The following AGK variants were observed in gnomAD, a reference collection of about 807,000 sequenced individuals.
AGK encodes the protein acylglycerol kinase, mitochondrial.
A neutral mutation model predicts 66.4 loss-of-function variants in AGK; 52 were observed. The observed-to-expected ratio is 0.78, with a 90% CI of 0.63 to 0.99. The LOEUF (loss-of-function observed/expected upper bound fraction) is 0.99, where lower values mean the gene tolerates loss of function less well. Ranked by LOEUF, AGK falls within the 50% of genes least tolerant of loss-of-function variation. The pLI is 0.00. For synonymous variants in AGK, 182 were observed against 181.1 expected, an observed-to-expected ratio of 1.00 and a Z score of -0.04; for missense variants, 451 against 506.6, an observed-to-expected ratio of 0.89 and a Z score of 1.05.
chr7:141,641,188 G>GA, intron 11 of AGK, 60 bp from the exon 12 acceptor site: 1 of 1,519,482 alleles, frequency 6.6e-7, no homozygotes, highest in Non-Finnish European at 8.9e-7. Flanking sequence ...TTTGCAGAGA[G>GA]AAACTCCCAG....
Position 141,565,421 on chromosome 7 carries a change from C to T in AGK, c.101+9854C>T, listed in dbSNP as rs145958917. On this transcript the variant is annotated intron_variant, in intron 2 of 15. Transcript: ENST00000649286. The stretch of plus-strand genomic sequence containing the variant: ...ATCCCAGCACTTTGGGAGGCCGAGG[C>T]GGGCAGATCAACTAAGGTCAGGAGT... Among the ~76,000 whole-genome samples the T allele has an allele frequency of 1.4e-4, 21 of 152,190 alleles. No individual in the cohort carries two copies. In the East Asian group the frequency reaches 2.7e-3, roughly 20 times the overall value.
intron 15 of AGK, 111 bp from the exon 16 acceptor site, chr7:141,652,674 CAA>C: frequency 8.6e-7 from 1 of 1,169,312 alleles, no homozygotes; most frequent in East Asian, 2.4e-5. Context: ...GATAGCTCCT[CAA>C]GAGAGGATGT....
intron 13 of AGK, among the ~76,000 whole-genome samples, chr7:141,643,320 G>GTGTA (rs2117016992): frequency 6.6e-6 from 1 of 152,276 alleles, no homozygotes; most frequent in South Asian, 2.1e-4. Context: ...TGCGCCTCCT[G>GTGTA]TGTATGTATC....
chr7:141,582,012 G>A (rs561833756), intron 2 of AGK, among the ~76,000 whole-genome samples: 11 of 152,092 alleles, frequency 7.2e-5, no homozygotes, highest in African/African-American at 2.4e-4. Context: ...CGGACTTACC[G>A]TCCACTCTGA....
intron 5 of AGK, among the ~76,000 whole-genome samples, chr7:141,607,764 T>C (rs1796496457): frequency 6.6e-6 from 1 of 152,132 alleles, no homozygotes; most frequent in Non-Finnish European, 1.5e-5. Context: ...TTTAGGCCTA[T>C]GATCCATTTT....
intron 9 of AGK, among the ~76,000 whole-genome samples, chr7:141,631,590 C>T (rs1797056901): frequency 6.6e-6 from 1 of 152,196 alleles, no homozygotes; most frequent in Non-Finnish European, 1.5e-5. Flanking sequence ...TCAAGCATTT[C>T]TTCTTGCCTC....
rs149126335 is a variant in AGK, at chr7:141,628,254, A to T, written c.589-5647A>T. 4.3e-3 allele frequency among the ~76,000 whole-genome samples: 654 copies of T among 152,268 alleles called. 1 individual carries two copies. Among genetic ancestry groups the T allele is most frequent in the Non-Finnish European group, 8.0e-3 (545 of 68,022 alleles). On this transcript the variant is annotated intron_variant, in intron 9 of 15. Coordinates refer to ENST00000649286, the MANE Select transcript of AGK (RefSeq NM_018238.4). ...TATGCTGATTTTGTGAATTGATGAA[A>T]CCAGTATCAAATTTACCACAGGCTC...
At chr7:141,603,707 A>T (rs1156961174) in intron 5 of AGK, among the ~76,000 whole-genome samples, 3 of 152,138 alleles carry the variant, frequency 2.0e-5, no homozygotes, top group Non-Finnish European at 2.9e-5. Flanking sequence ...GCCTGGGCTC[A>T]TAGTGGCATG....
chr7:141,614,342 C>T (rs778551136), intron 7 of AGK, among the ~76,000 whole-genome samples, 164 bp downstream of exon 7: 37 of 151,894 alleles, frequency 2.4e-4, no homozygotes, highest in Middle Eastern at 3.4e-3. Flanking sequence ...TCATAGAACA[C>T]GTATATTAAC....
chr7:141,614,833 G>A (rs1796672983), intron 7 of AGK, among the ~76,000 whole-genome samples: 1 of 152,114 alleles, frequency 6.6e-6, no homozygotes, highest in African/African-American at 2.4e-5. Context: ...GTTAAATATA[G>A]GTTGTGGGCA....
At chr7:141,649,098 A>G (rs1797487638) in intron 13 of AGK, 165 bp from the exon 14 acceptor site, 1 of 390,462 alleles carries the variant, frequency 2.6e-6, no homozygotes, top group African/African-American at 2.1e-5. Context: ...CTTTGTGAAA[A>G]AAAAAAAAAA....
At chr7:141,575,114 G>T (rs1795705633) in intron 2 of AGK, among the ~76,000 whole-genome samples, 1 of 152,196 alleles carries the variant, frequency 6.6e-6, no homozygotes. Context: ...ATAAATTGAG[G>T]TGACGTAAGT....
intron 5 of AGK, among the ~76,000 whole-genome samples, chr7:141,604,357 TG>T (rs1796404118): frequency 7.3e-6 from 1 of 136,298 alleles, no homozygotes; most frequent in Non-Finnish European, 1.5e-5. Flanking sequence ...TGCATATGTA[TG>T]AATGTGTGTG....
intron 2 of AGK, among the ~76,000 whole-genome samples, chr7:141,585,460 C>G (rs1054358386): frequency 7.9e-5 from 12 of 152,182 alleles, no homozygotes; most frequent in Admixed American, 7.9e-4. Flanking sequence ...TTCTAGGAAG[C>G]CTGGATAAGT....
intron 2 of AGK, among the ~76,000 whole-genome samples, chr7:141,582,940 C>G (rs779201011): frequency 1.6e-4 from 25 of 151,518 alleles, no homozygotes; most frequent in Non-Finnish European, 3.2e-4. Flanking sequence ...AAAGACTCAG[C>G]AATACTTGGG....
At chr7:141,583,740 C>T (rs1795935708) in intron 2 of AGK, among the ~76,000 whole-genome samples, 1 of 151,826 alleles carries the variant, frequency 6.6e-6, no homozygotes. Flanking sequence ...GTTTTGGGTT[C>T]ACGGATAAAA....
At chr7:141,627,141 A>G (rs186941844) in intron 9 of AGK, among the ~76,000 whole-genome samples, 3 of 152,310 alleles carry the variant, frequency 2.0e-5, no homozygotes, top group Admixed American at 1.3e-4. Flanking sequence ...CACTTTTCCA[A>G]AATAACTTTG....
At chr7:141,603,979 C>A (rs1796394761) in intron 5 of AGK, among the ~76,000 whole-genome samples, 2 of 152,084 alleles carry the variant, frequency 1.3e-5, no homozygotes, top group Admixed American at 1.3e-4. Context: ...CACTGTCTAA[C>A]CCCATCTTAT....
intron 2 of AGK, among the ~76,000 whole-genome samples, chr7:141,590,452 C>T (rs545152680): frequency 2.0e-5 from 3 of 152,198 alleles, no homozygotes; most frequent in African/African-American, 7.2e-5. Context: ...AAGCAGTGGC[C>T]GGTGGGAGCA....
Sources: allele counts gnomAD v4.1 joint callset (sites outside exome capture counted in the v4.1 genomes callset), GRCh38; gene constraint gnomAD v4.1.1; transcripts MANE v1.5; gene names NCBI Gene and HGNC (gene_info 2026-07-23, HGNC 2026-07-21).